ZNF155: variants seen among roughly 807,000 people sequenced by gnomAD.
ZNF155 encodes KRAB A domain.
ZNF155 carries 15 observed loss-of-function variants against 11.9 expected under a neutral mutation model. The ratio of observed to expected loss-of-function variants is 1.26; its 90% CI spans 0.84 to 1.94. The LOEUF (loss-of-function observed/expected upper bound fraction) is 1.94, where lower values mean the gene tolerates loss of function less well. ZNF155 is among the 30% of genes most tolerant of loss of function. The probability of loss-of-function intolerance (pLI) is 0.00; values close to 1 mark genes in which losing one functional copy is unlikely to be tolerated. For missense variants in ZNF155, 602 were observed against 639.1 expected, an observed-to-expected ratio of 0.94 and a Z score of 0.63; for synonymous variants, 212 against 219.9, an observed-to-expected ratio of 0.96 and a Z score of 0.32.
At position 43,991,601 on chromosome 19, in the gene ZNF155, G is replaced by A. The variant is rs1975667000; in HGVS notation, c.69G>A (p.Gly23=). 6 of 1,614,152 alleles carry A rather than the reference G, an allele frequency of 3.7e-6. No homozygotes were observed. Among genetic ancestry groups the A allele is most frequent in the Non-Finnish European group, 5.1e-6 (6 of 1,180,026 alleles). Residue 23 remains glycine (G), a synonymous_variant, in exon 3 of 5, where the codon GGG becomes GGA. Coordinates refer to ENST00000270014, the MANE Select transcript of ZNF155 (RefSeq NM_198089.3). ...VAVVFTEEEL[G]LLDPAQRKLY... The stretch of plus-strand genomic sequence containing the variant: ...TGGTCTTCACTGAGGAGGAGCTGGG[G>A]CTGCTGGACCCTGCCCAGAGGAAGC...
intron 2 of ZNF155, chr19:43,990,143 G>A: frequency 7.6e-7 from 1 of 1,322,236 alleles, no homozygotes; most frequent in Non-Finnish European, 1.0e-6. Context: ...AAAGCATGCA[G>A]TTATATGATC....
At position 43,996,601 on chromosome 19, in the gene ZNF155, T is replaced by A. The variant is rs778551821; in HGVS notation, c.744T>A (p.Asn248Lys). Residue 248 changes from asparagine (N) to lysine (K), a missense_variant, in exon 5 of 5, where the codon AAT (asparagine) becomes AAA (lysine). Coordinates refer to ENST00000270014, the MANE Select transcript of ZNF155 (RefSeq NM_198089.3). ...GTTTCAGTCGTAGATCAGCACTTAA[T>A]GTTCATCGTAAATTACACACAGGAG... Reference protein sequence around the residue: ...GKGFSRRSALNVHRKLHTGEK... With the variant: ...GKGFSRRSALKVHRKLHTGEK... 147 of 1,612,894 alleles carry A rather than the reference T, an allele frequency of 9.1e-5. No individual in the cohort carries two copies. The highest frequency in any genetic ancestry group is 1.2e-4 in the Non-Finnish European group (142 of 1,179,158).
intron 1 of ZNF155, 73 bp from the exon 2 acceptor site, chr19:43,988,386 G>A: frequency 1.7e-6 from 1 of 581,504 alleles, no homozygotes; most frequent in Non-Finnish European, 2.7e-6. Flanking sequence ...TGTGCAGTTT[G>A]GGTTTATTAT....
At position 43,997,305 on chromosome 19, in the gene ZNF155, C is replaced by T. The variant is rs1459150900; in HGVS notation, c.1448C>T (p.Pro483Leu). ...AAGAGACTCCACTGCCAGAAAAAAC[C>T]ATTCAAATGTGAGGACTGTGGAAAG... is the stretch of plus-strand genomic sequence containing the variant. ...NHKRLHCQKK[P>L]FKCEDCGKRL... The change falls in exon 5 of 5, where the codon CCA becomes CTA. Residue 483 changes from proline (P) to leucine (L), a missense_variant. Physicochemically the swap from Pro to Leu is moderately conservative, Grantham distance 98. Coordinates refer to ENST00000270014, the MANE Select transcript of ZNF155 (RefSeq NM_198089.3). 1.2e-6 allele frequency: 2 copies of T among 1,614,100 alleles called. No individual in the cohort carries two copies. Among genetic ancestry groups the T allele is most frequent in the Non-Finnish European group, 1.7e-6 (2 of 1,180,004 alleles).
At chr19:43,989,435 T>C (rs1975578561) in intron 2 of ZNF155, among the ~76,000 whole-genome samples, 1 of 152,220 alleles carries the variant, frequency 6.6e-6, no homozygotes, top group African/African-American at 2.4e-5. Context: ...AGGTTCCTGG[T>C]CTCTTCTTCT....
intron 1 of ZNF155, among the ~76,000 whole-genome samples, chr19:43,987,450 T>C (rs1272070450): frequency 6.6e-6 from 1 of 152,254 alleles, no homozygotes; most frequent in Admixed American, 6.5e-5. Context: ...ATATATCTCA[T>C]GTTTAGGTTC....
intron 3 of ZNF155, 28 bp from the exon 4 acceptor site, chr19:43,991,814 T>C: frequency 6.2e-7 from 1 of 1,609,528 alleles, no homozygotes; most frequent in East Asian, 2.2e-5. Context: ...TGTGTTGGGA[T>C]TCAGCACGTG....
chr19:43,987,276 C>G (rs1256573037), intron 1 of ZNF155, among the ~76,000 whole-genome samples: 1 of 152,140 alleles, frequency 6.6e-6, no homozygotes, highest in Non-Finnish European at 1.5e-5. Flanking sequence ...ACCCTTTACC[C>G]TGACCCCAGT....
chr19:43,985,664 C>G (rs1417316443), intron 1 of ZNF155, among the ~76,000 whole-genome samples: 1 of 151,588 alleles, frequency 6.6e-6, no homozygotes, highest in African/African-American at 2.4e-5. Flanking sequence ...GCTTCAGCCT[C>G]CTAAGTAGCT....
intron 1 of ZNF155, among the ~76,000 whole-genome samples, chr19:43,985,222 G>A (rs996353746): frequency 4.6e-5 from 7 of 151,740 alleles, no homozygotes; most frequent in African/African-American, 7.3e-5. Context: ...CACCATGCCC[G>A]GCTAATTTTT....
At chr19:43,992,647 C>A (rs1373644193) in intron 4 of ZNF155, among the ~76,000 whole-genome samples, 1 of 152,242 alleles carries the variant, frequency 6.6e-6, no homozygotes, top group East Asian at 1.9e-4. Flanking sequence ...CTGCCTTCTA[C>A]CTTTCAGGTC....
At chr19:43,984,968 G>A (rs984355621) in intron 1 of ZNF155, among the ~76,000 whole-genome samples, 5 of 152,058 alleles carry the variant, frequency 3.3e-5, no homozygotes, top group Admixed American at 3.3e-4. Context: ...CTGCAGGGAG[G>A]GACTTGGCTA....
At chr19:43,989,954 T>G (rs2147382090) in intron 2 of ZNF155, 2 of 1,096,934 alleles carry the variant, frequency 1.8e-6, no homozygotes, top group Non-Finnish European at 2.4e-6. Flanking sequence ...GCCAATAACC[T>G]TGAAAAGTGA....
rs1975977318 is a variant in ZNF155 at position 43,998,148 on chromosome 19, C to CCCGGG, written c.*676_*677insGGGCC. ...TTCCTGATTGGTCCCGGGCCAAGGT[C>CCCGGG]CCAGACCAAGCTGAATCACGCTTTC... On this transcript the variant is annotated 3_prime_UTR_variant, in exon 5 of 5. Transcript: ENST00000270014. The CCCGGG allele has an allele frequency of 6.6e-6, 1 of 152,170 alleles. No homozygotes were observed. Among genetic ancestry groups the CCCGGG allele is most frequent in the Non-Finnish European group, 1.5e-5 (1 of 68,086 alleles). The allele number at this position is 152,170 out of a possible 1,614,324, so 9.4% of individuals were successfully genotyped here.
intron 4 of ZNF155, among the ~76,000 whole-genome samples, chr19:43,992,497 C>T (rs1485050307): frequency 6.6e-6 from 1 of 152,230 alleles, no homozygotes; most frequent in Non-Finnish European, 1.5e-5. Context: ...GGAGGGAAAA[C>T]TTCACTTTGG....
rs1408742141 is a variant in ZNF155, at chr19:43,995,791, A to T, written c.236-302A>T. ...TATTTCATTATGTACATAAATTTTT[A>T]TTTTCATAATTTATCATGCAAGATT... is the stretch of plus-strand genomic sequence containing the variant. On this transcript the variant is annotated intron_variant, in intron 4 of 4. Coordinates refer to ENST00000270014, the MANE Select transcript of ZNF155 (RefSeq NM_198089.3). Among the ~76,000 whole-genome samples the T allele has an allele frequency of 2.0e-5, 3 of 152,272 alleles. No homozygotes were observed. The East Asian group carries it at 5.8e-4, about 29-fold the overall frequency.
chr19:43,988,678 C>A, intron 2 of ZNF155, 120 bp downstream of exon 2: 5 of 1,063,306 alleles, frequency 4.7e-6, no homozygotes, highest in Non-Finnish European at 6.5e-6. Flanking sequence ...CCTGTTTGTG[C>A]CAGGTGCTTC....
intron 4 of ZNF155, among the ~76,000 whole-genome samples, chr19:43,994,249 C>T (rs1371929837): frequency 6.6e-6 from 1 of 152,186 alleles, no homozygotes; most frequent in African/African-American, 2.4e-5. Context: ...TCAGATTCCC[C>T]TCAAAACTGT....
chr19:43,993,415 T>G (rs8104126), intron 4 of ZNF155, among the ~76,000 whole-genome samples: 3 of 152,122 alleles, frequency 2.0e-5, no homozygotes, highest in Non-Finnish European at 4.4e-5. Flanking sequence ...AGATTTCTTA[T>G]TAATTTAATT....
Sources: allele counts gnomAD v4.1 joint callset (sites outside exome capture counted in the v4.1 genomes callset), GRCh38; gene constraint gnomAD v4.1.1; transcripts MANE v1.5; gene names NCBI Gene and HGNC (gene_info 2026-07-23, HGNC 2026-07-21).